The following LRMDA variants were observed in gnomAD, a reference collection of about 807,000 sequenced individuals.
The protein encoded by LRMDA is leucine-rich melanocyte differentiation-associated protein.
A neutral mutation model predicts 29.8 loss-of-function variants in LRMDA; 18 were observed. The ratio of observed to expected loss-of-function variants is 0.60; its 90% confidence interval spans 0.42 to 0.90. The LOEUF is 0.90. Among genes scored for constraint, LRMDA ranks in the 40% least tolerant of loss-of-function variants. The pLI is 0.00. For missense variants in LRMDA, 273 were observed against 273.9 expected (o/e 1.00, Z 0.02); for synonymous variants, 125 against 109.4 (o/e 1.14, Z -0.89).
chr10:76,142,108 T>G lies in LRMDA; in HGVS notation c.516+83325T>G, dbSNP rs183816824. ...CCTAGGCTGCAAGAAATTTTCTACC[T>G]CAAGGTCAATACTGGAAGACATCTT... On this transcript the variant is annotated intron_variant, in intron 5 of 6. Transcript: ENST00000611255. Among the ~76,000 whole-genome samples the G allele has an allele frequency of 5.9e-4, 90 of 152,170 alleles. No homozygotes were observed. The East Asian group carries it at 0.015, about 26-fold the overall frequency.
intron 2 of LRMDA, among the ~76,000 whole-genome samples, chr10:75,631,967 TCA>T (rs1452545568): frequency 1.3e-5 from 2 of 152,196 alleles, no homozygotes; most frequent in African/African-American, 2.4e-5. Flanking sequence ...ATTTTTAAAA[TCA>T]GTGTTGGATG....
chr10:75,445,128 G>A (rs1462136139), intron 2 of LRMDA, among the ~76,000 whole-genome samples: 2 of 152,096 alleles, frequency 1.3e-5, no homozygotes, highest in African/African-American at 4.8e-5. Flanking sequence ...AAATTTTGTA[G>A]AGGTGGGATC....
chr10:76,416,149 A>G (rs1236647470), intron 6 of LRMDA, among the ~76,000 whole-genome samples: 1 of 152,196 alleles, frequency 6.6e-6, no homozygotes, highest in Non-Finnish European at 1.5e-5. Context: ...CCTGAGGACA[A>G]AGCATTCAAC....
chr10:75,964,670 C>G (rs939893456), intron 2 of LRMDA, among the ~76,000 whole-genome samples: 2 of 152,238 alleles, frequency 1.3e-5, no homozygotes, highest in Non-Finnish European at 2.9e-5. Context: ...TCAGTAAACT[C>G]TCATGTATAG....
At chr10:75,906,328 A>G (rs1845758321) in intron 2 of LRMDA, among the ~76,000 whole-genome samples, 1 of 152,150 alleles carries the variant, frequency 6.6e-6, no homozygotes, top group East Asian at 1.9e-4. Flanking sequence ...TCTTTTTCAA[A>G]TTATTTTCAC....
intron 2 of LRMDA, among the ~76,000 whole-genome samples, chr10:75,891,027 C>T (rs1297805826): frequency 1.3e-5 from 2 of 151,946 alleles, no homozygotes; most frequent in African/African-American, 4.8e-5. Flanking sequence ...TTGCCTTGAA[C>T]TGGGGAGGCA....
intron 2 of LRMDA, among the ~76,000 whole-genome samples, chr10:75,694,320 T>A (rs1001325596): frequency 6.6e-6 from 1 of 152,102 alleles, no homozygotes; most frequent in Admixed American, 6.5e-5. Context: ...GATCAAAATG[T>A]TTGTATAGTG....
chr10:76,007,722 C>T (rs1022431819), intron 2 of LRMDA, among the ~76,000 whole-genome samples: 3 of 152,080 alleles, frequency 2.0e-5, no homozygotes, highest in Non-Finnish European at 4.4e-5. Flanking sequence ...CCTTGTGCAC[C>T]GGTATGAGAA....
At chr10:75,756,662 G>A (rs528402120) in intron 2 of LRMDA, among the ~76,000 whole-genome samples, 6 of 152,276 alleles carry the variant, frequency 3.9e-5, no homozygotes, top group Admixed American at 2.0e-4. Context: ...TGCTTTCCAT[G>A]TGTCCATTTC....
chr10:76,044,896 CCTCTTGCTAGTTTCCCT>C (rs1460332379), intron 3 of LRMDA, among the ~76,000 whole-genome samples: 2 of 152,164 alleles, frequency 1.3e-5, no homozygotes, highest in Non-Finnish European at 2.9e-5. Context: ...GCTAGTTTCC[CCTCTTGCTAGTTTCCCT>C]CTCTTGCTAG....
chr10:76,101,661 G>A (rs1027134233), intron 5 of LRMDA, among the ~76,000 whole-genome samples: 17 of 152,036 alleles, frequency 1.1e-4, no homozygotes, highest in Non-Finnish European at 2.1e-4. Context: ...ACTTGAACCC[G>A]GGAGGCAGAG....
At position 75,508,274 on chromosome 10, in the gene LRMDA, T is replaced by A. The variant is rs1055031006; in HGVS notation, c.131+69780T>A. Among the ~76,000 whole-genome samples the A allele has an allele frequency of 2.6e-5, 4 of 152,070 alleles. No individual in the cohort carries two copies. In the South Asian group the frequency reaches 6.3e-4, roughly 24 times the overall value. On this transcript the variant is annotated intron_variant, in intron 2 of 6. Transcript: ENST00000611255. ...TTATGGTGGTGTTTTTTTCCCCCCC[T>A]CTCCCTTCCACCATTAGCAATCATT...
intron 2 of LRMDA, among the ~76,000 whole-genome samples, chr10:75,464,301 G>T (rs1844626049): frequency 6.6e-6 from 1 of 152,202 alleles, no homozygotes. Flanking sequence ...GCTCACTGTG[G>T]TGAGAAGGAC....
chr10:75,807,877 G>A (rs867248754), intron 2 of LRMDA, among the ~76,000 whole-genome samples: 15 of 152,276 alleles, frequency 9.9e-5, no homozygotes, highest in Middle Eastern at 3.4e-3. Flanking sequence ...CCATTTCTGA[G>A]CAATGGACAT....
At chr10:76,151,427 C>T (rs1850441648) in intron 5 of LRMDA, among the ~76,000 whole-genome samples, 1 of 152,120 alleles carries the variant, frequency 6.6e-6, no homozygotes. Context: ...AGGCATCTGT[C>T]GCTATTTGAA....
At chr10:76,148,727 G>T (rs1253103455) in intron 5 of LRMDA, among the ~76,000 whole-genome samples, 1 of 152,174 alleles carries the variant, frequency 6.6e-6, no homozygotes, top group Non-Finnish European at 1.5e-5. Flanking sequence ...ACTCCCCAGT[G>T]AGATGAACCC....
In LRMDA at chr10:76,558,164, G is replaced by A. The variant is rs1013379327; in HGVS notation, c.*876G>A. 1 of 152,220 alleles carries A rather than the reference G, an allele frequency of 6.6e-6. No individual in the cohort carries two copies. Among genetic ancestry groups the A allele is most frequent in the Non-Finnish European group, 1.5e-5 (1 of 68,072 alleles). The allele number at this position is 152,220 out of a possible 1,614,324, so 9.4% of individuals were successfully genotyped here. A position where few individuals can be genotyped will look rare whatever the true frequency, so the allele number is the denominator to read the frequency against. On this transcript the variant is annotated 3_prime_UTR_variant, in exon 7 of 7. Coordinates refer to ENST00000611255, the MANE Select transcript of LRMDA (RefSeq NM_001305581.2). The stretch of plus-strand genomic sequence containing the variant: ...TTATTTTTAACCGTACACACTTCCA[G>A]TGATGCCTGTGGCCATACTTGTGCG...
chr10:76,179,683 G>C (rs979953007), intron 5 of LRMDA, among the ~76,000 whole-genome samples: 1 of 152,154 alleles, frequency 6.6e-6, no homozygotes, highest in Non-Finnish European at 1.5e-5. Context: ...AGAATCCACG[G>C]ACATATTTAT....
chr10:76,178,971 C>A (rs576920607), intron 5 of LRMDA, among the ~76,000 whole-genome samples: 1 of 152,266 alleles, frequency 6.6e-6, no homozygotes, highest in African/African-American at 2.4e-5. Context: ...CAAGAGAACC[C>A]AGCCAGAGTT....
Sources: allele counts gnomAD v4.1 joint callset (sites outside exome capture counted in the v4.1 genomes callset), GRCh38; gene constraint gnomAD v4.1.1; transcripts MANE v1.5; gene names NCBI Gene and HGNC (gene_info 2026-07-23, HGNC 2026-07-21).